Variants in SLC24A2 observed in about 807,000 individuals in gnomAD.
SLC24A2 encodes sodium/potassium/calcium exchanger 2.
In SLC24A2, 36 loss-of-function variants were observed where a neutral mutation model predicts 62.0. The observed-to-expected ratio is 0.58, with a 90% CI of 0.44 to 0.77. The LOEUF is 0.77. SLC24A2 is among the 30% of genes least tolerant of loss of function. The probability of loss-of-function intolerance (pLI) is 0.00; values close to 1 mark genes in which losing one functional copy is unlikely to be tolerated. For missense variants in SLC24A2, 846 were observed against 817.9 expected, an observed-to-expected ratio of 1.03 and a Z score of -0.42; for synonymous variants, 358 against 294.0, an observed-to-expected ratio of 1.22 and a Z score of -2.23.
At chr9:20,158,402 G>A in the SLC24A2 span, among the ~76,000 whole-genome samples, 1 of 151,630 alleles carries the variant, frequency 6.6e-6, no homozygotes, top group Admixed American at 6.6e-5. Flanking sequence ...CCATGATTCA[G>A]ATTAGTGCTT....
the SLC24A2 span, among the ~76,000 whole-genome samples, chr9:20,001,495 T>C: frequency 2.1e-4 from 32 of 152,316 alleles, no homozygotes; most frequent in African/African-American, 6.7e-4. Flanking sequence ...TAAGCATAAC[T>C]GTCCCCAAGG....
At chr9:19,750,096 T>G (rs1448376844) in intron 2 of SLC24A2, among the ~76,000 whole-genome samples, 1 of 152,138 alleles carries the variant, frequency 6.6e-6, no homozygotes, top group Non-Finnish European at 1.5e-5. Flanking sequence ...CGGAGTACAT[T>G]AGTGTCAGAA....
At chr9:20,291,343 G>GA in the SLC24A2 span, among the ~76,000 whole-genome samples, 1 of 152,136 alleles carries the variant, frequency 6.6e-6, no homozygotes. Flanking sequence ...CATTTGAAAT[G>GA]AAAAGGAGAA....
rs143391496 is a variant in SLC24A2, at chr9:19,544,783, G to A, written c.1479+5354C>T. On this transcript the variant is annotated intron_variant, in intron 8 of 10. Transcript: ENST00000341998. ...CTCTCTTCTAGCTTGTAAGGTTCCT[G>A]CAGAGAGATCTGCTGTTGGTCTGAT... Among the ~76,000 whole-genome samples, 644 of 152,304 alleles carry A rather than the reference G, an allele frequency of 4.2e-3. 1 individual carries two copies. Among genetic ancestry groups the A allele is most frequent in the African/African-American group, 0.015 (620 of 41,560 alleles).
chr9:20,106,532 G>C, the SLC24A2 span, among the ~76,000 whole-genome samples: 2 of 152,190 alleles, frequency 1.3e-5, no homozygotes, highest in Non-Finnish European at 2.9e-5. Flanking sequence ...TGGGATGCAA[G>C]GCTGGTTCAA....
the SLC24A2 span, among the ~76,000 whole-genome samples, chr9:19,886,672 T>C: frequency 6.6e-6 from 1 of 152,180 alleles, no homozygotes; most frequent in East Asian, 1.9e-4. Flanking sequence ...GAACCAGAAA[T>C]ACCATTTGAC....
At chr9:19,835,316 G>A in the SLC24A2 span, among the ~76,000 whole-genome samples, 1 of 152,202 alleles carries the variant, frequency 6.6e-6, no homozygotes, top group Non-Finnish European at 1.5e-5. Context: ...TCAGTGTGCT[G>A]TATTCAGGAA....
the SLC24A2 span, among the ~76,000 whole-genome samples, chr9:19,833,059 T>A: frequency 7.2e-5 from 11 of 152,150 alleles, no homozygotes; most frequent in African/African-American, 2.7e-4. Flanking sequence ...TCACACCAGT[T>A]AGAATGGCGA....
the SLC24A2 span, among the ~76,000 whole-genome samples, chr9:20,229,907 T>A: frequency 4.3e-5 from 4 of 93,632 alleles, no homozygotes; most frequent in African/African-American, 1.7e-4. Flanking sequence ...CAACAGTCCC[T>A]GGTGTGTGAT....
chr9:20,279,463 G>A, the SLC24A2 span, among the ~76,000 whole-genome samples: 215 of 152,280 alleles, frequency 1.4e-3, no homozygotes, highest in Non-Finnish European at 2.5e-3. Context: ...CCCAGGAGGC[G>A]GAGGATGCAG....
At chr9:19,650,822 A>AGTGTGTGTGTGTGTGTGTGTGTGTGT (rs61576823) in intron 2 of SLC24A2, among the ~76,000 whole-genome samples, 76 of 149,180 alleles carry the variant, frequency 5.1e-4, no homozygotes, top group African/African-American at 1.7e-3. Context: ...ATCAGCTTCT[A>AGTGTGTGTGTGTGTGTGTGTGTGTGT]GTGTGTGTGT....
At chr9:20,304,323 G>C in the SLC24A2 span, among the ~76,000 whole-genome samples, 1 of 151,948 alleles carries the variant, frequency 6.6e-6, no homozygotes. Context: ...GGCTTATAAA[G>C]CACAGAGGGA....
chr9:19,534,523 A>G (rs1833864043), intron 8 of SLC24A2, among the ~76,000 whole-genome samples: 3 of 151,562 alleles, frequency 2.0e-5, no homozygotes, highest in Middle Eastern at 6.8e-3. Context: ...CCACCCCTTG[A>G]CAGGCTCCAG....
the SLC24A2 span, among the ~76,000 whole-genome samples, chr9:20,303,119 T>C: frequency 6.9e-6 from 1 of 145,246 alleles, no homozygotes; most frequent in African/African-American, 2.4e-5. Context: ...TAGATATATC[T>C]GTATTTTTTT....
At chr9:19,869,400 C>T in the SLC24A2 span, among the ~76,000 whole-genome samples, 3 of 152,146 alleles carry the variant, frequency 2.0e-5, no homozygotes, top group Non-Finnish European at 2.9e-5. Flanking sequence ...CTTGAGCATT[C>T]GTTTTTCTCT....
intron 2 of SLC24A2, among the ~76,000 whole-genome samples, chr9:19,771,356 G>T (rs768161490): frequency 2.8e-4 from 43 of 152,088 alleles, no homozygotes; most frequent in Admixed American, 4.6e-4. Flanking sequence ...GCATTAACAC[G>T]CCAAAACATA....
chr9:19,736,092 C>A (rs1257905890), intron 2 of SLC24A2, among the ~76,000 whole-genome samples: 2 of 152,096 alleles, frequency 1.3e-5, no homozygotes, highest in Non-Finnish European at 2.9e-5. Flanking sequence ...ATTCTTAGTA[C>A]ATGCTGTCTG....
chr9:19,907,184 A>G, the SLC24A2 span, among the ~76,000 whole-genome samples: 5 of 152,226 alleles, frequency 3.3e-5, no homozygotes, highest in Admixed American at 3.3e-4. Flanking sequence ...ACGAAAATCA[A>G]TAAACGTAAT....
At position 19,514,932 on chromosome 9, in the gene SLC24A2, A is replaced by T. The variant is rs549724918; in HGVS notation, c.*1221T>A. 1 of 152,188 alleles carries T rather than the reference A, an allele frequency of 6.6e-6. No individual in the cohort carries two copies. Among genetic ancestry groups the T allele is most frequent in the Non-Finnish European group, 1.5e-5 (1 of 68,028 alleles). 9.4% of individuals were successfully genotyped at this position (152,188 alleles called of 1,614,324 possible). On this transcript the variant is annotated 3_prime_UTR_variant, in exon 11 of 11. Transcript: ENST00000341998. ...CTATTGGGAATAATGATTTCTTCAGACACTAAAGCCCTTTATGACTACACT... is the reference window on the plus strand; with the variant it reads ...CTATTGGGAATAATGATTTCTTCAGTCACTAAAGCCCTTTATGACTACACT...
Sources: allele counts gnomAD v4.1 joint callset (sites outside exome capture counted in the v4.1 genomes callset), GRCh38; gene constraint gnomAD v4.1.1; transcripts MANE v1.5; gene names NCBI Gene and HGNC (gene_info 2026-07-23, HGNC 2026-07-21).